NTHL1: variants seen among roughly 807,000 people sequenced by gnomAD.
NTHL1 encodes the protein nth like DNA glycosylase 1.
Under a neutral mutation model 32.3 loss-of-function variants are expected in NTHL1, and 32 were observed. The observed-to-expected ratio is 0.99, with a 90% CI of 0.75 to 1.33. The LOEUF (loss-of-function observed/expected upper bound fraction) is 1.33. Among genes scored for constraint, NTHL1 ranks in the 40% most tolerant of loss-of-function variants. NTHL1 has a pLI of 0.00. For missense variants in NTHL1, 501 were observed against 414.1 expected (o/e 1.21, Z -1.82); for synonymous variants, 188 against 176.9 (o/e 1.06, Z -0.50).
At position 2,046,099 on chromosome 16, in the gene NTHL1, T is replaced by A. The variant is rs940048604; in HGVS notation, c.354+29A>T. On this transcript the variant is annotated intron_variant, in intron 2 of 5. Coordinates refer to ENST00000651570, the MANE Select transcript of NTHL1 (RefSeq NM_002528.7). ...ACAAGGACCTTGCTAAGATGGGGGGTCATCTGGGCAGATGGGGCCCCTGCC... is the reference window on the plus strand; with the variant it reads ...ACAAGGACCTTGCTAAGATGGGGGGACATCTGGGCAGATGGGGCCCCTGCC... 3.8e-6 allele frequency: 6 copies of A among 1,561,392 alleles called. No individual in the cohort carries two copies. The Admixed American group carries it at 8.4e-5, about 22-fold the overall frequency.
chr16:2,046,596 C>A (rs1169940585), intron 1 of NTHL1, among the ~76,000 whole-genome samples: 3 of 152,170 alleles, frequency 2.0e-5, no homozygotes, highest in African/African-American at 7.2e-5. Context: ...CAGCCTGTAC[C>A]AAGGTGCCCC....
chr16:2,046,585 A>G lies in NTHL1; in HGVS notation c.116-219T>C, dbSNP rs556586557. On this transcript the variant is annotated intron_variant, in intron 1 of 5. Coordinates refer to ENST00000651570, the MANE Select transcript of NTHL1 (RefSeq NM_002528.7). Reference sequence around the variant, plus strand: ...ATGTTAGCTCATGAGGACTCTAGCAACAGCCTGTACCAAGGTGCCCCCAAT... The same window carrying G: ...ATGTTAGCTCATGAGGACTCTAGCAGCAGCCTGTACCAAGGTGCCCCCAAT... 8.5e-5 allele frequency among the ~76,000 whole-genome samples: 13 copies of G among 152,278 alleles called. No homozygotes were observed. The East Asian group carries it at 2.5e-3, about 29-fold the overall frequency.
intron 1 of NTHL1, among the ~76,000 whole-genome samples, chr16:2,046,575 G>A (rs1596224219): frequency 6.6e-6 from 1 of 152,154 alleles, no homozygotes. Context: ...AGCTCATGAG[G>A]ACTCTAGCAA....
rs370814682 is a variant in NTHL1 at position 2,047,773 on chromosome 16, G to T, written c.51C>A (p.Pro17=). Residue 17 remains proline (P), a synonymous_variant, in exon 1 of 6, where the codon CCC becomes CCA. Transcript: ENST00000651570. ...RMLTRSRSLG[P]GAGPRGCREE... is the part of the protein sequence containing the mutation. ...CCCTACACCCCCGCGGCCCAGCCCCGGGTCCCAGGCTCCGGCTCCGGGTCA... is the reference window on the plus strand; with the variant it reads ...CCCTACACCCCCGCGGCCCAGCCCCTGGTCCCAGGCTCCGGCTCCGGGTCA... The T allele has an allele frequency of 1.9e-6, 3 of 1,587,856 alleles. No individual in the cohort carries two copies. The highest frequency in any genetic ancestry group is 2.3e-5 in the East Asian group (1 of 43,764).
chr16:2,044,310 G>T lies in NTHL1; in HGVS notation c.525+320C>A, dbSNP rs539411736. Among the ~76,000 whole-genome samples, 1 of 152,224 alleles carries T rather than the reference G, an allele frequency of 6.6e-6. No homozygotes were observed. On this transcript the variant is annotated intron_variant, in intron 3 of 5. Coordinates refer to ENST00000651570, the MANE Select transcript of NTHL1 (RefSeq NM_002528.7). This position sits in a 1 kb window ranked among gnomAD's most constrained non-coding sequence, Gnocchi z 5.0. Reference sequence around the variant, plus strand: ...GAGGGTGAGGGGCTCTGGACAGGAGGGGGTGACACACCGGGAGAGGCTAGC... The same window carrying T: ...GAGGGTGAGGGGCTCTGGACAGGAGTGGGTGACACACCGGGAGAGGCTAGC...
Position 2,043,440 on chromosome 16 carries a change from C to T in NTHL1, c.685+127G>A, listed in dbSNP as rs1316758132. On this transcript the variant is annotated intron_variant, in intron 4 of 5. Coordinates refer to ENST00000651570, the MANE Select transcript of NTHL1 (RefSeq NM_002528.7). The surrounding 1 kb of genome is among the most constrained non-coding windows in gnomAD (Gnocchi z 4.4). ...GGCTGGCCTGGCTCCACCCTGGGAG[C>T]ACCTTTCTGACTCTATGGGCTGGGT... 3 of 1,354,696 alleles carry T rather than the reference C, an allele frequency of 2.2e-6. No homozygotes were observed. Among genetic ancestry groups the T allele is most frequent in the Admixed American group, 3.9e-5 (2 of 50,856 alleles). 83.9% of individuals were successfully genotyped at this position (1,354,696 alleles called of 1,614,324 possible).
rs778235635 is a variant in NTHL1 at position 2,041,443 on chromosome 16, A to AT, written c.686-1206dup. On this transcript the variant is annotated intron_variant, in intron 4 of 5. Coordinates refer to ENST00000651570, the MANE Select transcript of NTHL1 (RefSeq NM_002528.7). Reference sequence around the variant, plus strand: ...GGAGCCAGCAATCTATGGCTGTGGCATTTTTTTTTTTTTTTAAACGGAGTC... The same window carrying AT: ...GGAGCCAGCAATCTATGGCTGTGGCATTTTTTTTTTTTTTTTAAACGGAGTC... 4.3e-3 allele frequency among the ~76,000 whole-genome samples: 613 copies of AT among 143,900 alleles called. 4 individuals carry two copies. Among genetic ancestry groups the AT allele is most frequent in the East Asian group, 0.02 (97 of 4,966 alleles). The allele number at this position is 143,900 out of a possible 152,430, so 94.4% of individuals were successfully genotyped here.
rs1194103950 is a variant in NTHL1, at chr16:2,043,964, T to C, written c.526-238A>G. ...CAATGATGCACGTGTAGGCTCTGGCTGGGGTTCCCCTGCCCGTCATTCCCT... is the reference window on the plus strand; with the variant it reads ...CAATGATGCACGTGTAGGCTCTGGCCGGGGTTCCCCTGCCCGTCATTCCCT... On this transcript the variant is annotated intron_variant, in intron 3 of 5. Transcript: ENST00000651570. This position sits in a 1 kb window ranked among gnomAD's most constrained non-coding sequence, Gnocchi z 4.4. The C allele has an allele frequency of 1.3e-5, 7 of 559,422 alleles. No homozygotes were observed. The highest frequency in any genetic ancestry group is 2.3e-5 in the Non-Finnish European group (7 of 310,654). 34.7% of individuals were successfully genotyped at this position (559,422 alleles called of 1,614,324 possible).
chr16:2,045,323 G>C (rs1407853579), intron 2 of NTHL1, among the ~76,000 whole-genome samples: 1 of 152,000 alleles, frequency 6.6e-6, no homozygotes, highest in Non-Finnish European at 1.5e-5. Flanking sequence ...GGCAACAAGA[G>C]CAAGACTTGG....
rs1285624591 is a variant in NTHL1, at chr16:2,047,730, G to A, written c.94C>T (p.Arg32Trp). The A allele has an allele frequency of 5.1e-6, 8 of 1,583,756 alleles. No homozygotes were observed. The highest frequency in any genetic ancestry group is 1.3e-5 in the African/African-American group (1 of 74,274). The change falls in exon 1 of 6, where the codon CGG (arginine) becomes TGG (tryptophan). Residue 32 changes from arginine to tryptophan, a missense_variant. Arg to Trp is a moderately radical substitution (Grantham distance 101). Coordinates refer to ENST00000651570, the MANE Select transcript of NTHL1 (RefSeq NM_002528.7). ...CTACCTGCTGCAGCCTCTCTTCTCC[G>A]GAGAGGCCCGGGCTCCTCCCTACAC... ...RGCREEPGPL[R>W]RREAAAEARK...
Position 2,047,797 on chromosome 16 carries a change from C to T in NTHL1, c.27G>A (p.Leu9=), listed in dbSNP as rs2150958575. The part of the protein sequence containing the change: MTALSARM[L]TRSRSLGPGA... ...CGGGTCCCAGGCTCCGGCTCCGGGTCAGCATCCTCGCGCTCAAGGCGGTCA... is the reference window on the plus strand; with the variant it reads ...CGGGTCCCAGGCTCCGGCTCCGGGTTAGCATCCTCGCGCTCAAGGCGGTCA... Residue 9 remains leucine, a synonymous_variant, in exon 1 of 6, where the codon CTG becomes CTA. Transcript: ENST00000651570. 1 of 1,592,050 alleles carries T rather than the reference C, an allele frequency of 6.3e-7. No individual in the cohort carries two copies. Among genetic ancestry groups the T allele is most frequent in the East Asian group, 2.3e-5 (1 of 44,138 alleles).
chr16:2,044,664 A>G lies in NTHL1; in HGVS notation c.491T>C (p.Leu164Pro), dbSNP rs1162857718. Residue 164 changes from leucine (L) to proline (P), a missense_variant, in exon 3 of 6, where the codon CTG becomes CCG. Transcript: ENST00000651570. This position sits in a 1 kb window ranked among gnomAD's most constrained non-coding sequence, Gnocchi z 5.0. Reference sequence around the variant, plus strand: ...ACCGACGGGGTAGATGAGCTTGCCCAGCGTGGCATCATCTGTCTGCAGGAT... The same window carrying G: ...ACCGACGGGGTAGATGAGCTTGCCCGGCGTGGCATCATCTGTCTGCAGGAT... ...DSILQTDDAT[L>P]GKLIYPVGFW... 3.1e-6 allele frequency: 5 copies of G among 1,609,688 alleles called. No homozygotes were observed. Among genetic ancestry groups the G allele is most frequent in the East Asian group, 4.5e-5 (2 of 44,890 alleles).
rs370228590 is a variant in NTHL1 at position 2,044,797 on chromosome 16, G to C, written c.358C>G (p.Arg120Gly). Residue 120 changes from arginine to glycine, a missense_variant, in exon 3 of 6, where the codon CGC becomes GGC. By Grantham distance (125) the Arg-to-Gly change is moderately radical. Coordinates refer to ENST00000651570, the MANE Select transcript of NTHL1 (RefSeq NM_002528.7). This position sits in a 1 kb window ranked among gnomAD's most constrained non-coding sequence, Gnocchi z 5.0. ...AGTGACAGCAGCACCTGGTACCTGC[G>C]TACCTGCTTGTGCAGTGACAGGGAC... Reference protein sequence around the residue: ...CYDSSAPPKVRRYQVLLSLML... With the variant: ...CYDSSAPPKVGRYQVLLSLML... The C allele has an allele frequency of 1.2e-5, 19 of 1,602,444 alleles. No individual in the cohort carries two copies. The African/African-American group carries it at 2.5e-4, about 21-fold the overall frequency.
intron 4 of NTHL1, chr16:2,042,113 G>T (rs1033226865): frequency 2.2e-6 from 1 of 455,598 alleles, no homozygotes; most frequent in African/African-American, 2.0e-5. Flanking sequence ...GGCAGCCCTG[G>T]GGTCTCCTTG....
At chr16:2,042,279 G>A in intron 4 of NTHL1, 3 of 356,722 alleles carry the variant, frequency 8.4e-6, no homozygotes, top group South Asian at 6.2e-5. Flanking sequence ...CAGGGACACG[G>A]GCAGCTGAGG....
In NTHL1 at chr16:2,043,662, G is replaced by A. The variant is rs2084299761; in HGVS notation, c.590C>T (p.Pro197Leu). Residue 197 changes from proline (P) to leucine (L), a missense_variant, in exon 4 of 6, where the codon CCA becomes CTA. By Grantham distance (98) the Pro-to-Leu change is moderately conservative (BLOSUM62 -3). Transcript: ENST00000651570. The surrounding 1 kb of genome is among the most constrained non-coding windows in gnomAD (Gnocchi z 4.4). ...ILQQHYGGDIPASVAELVALP... is the reference protein window; with the variant it reads ...ILQQHYGGDILASVAELVALP... ...CGCCACCAGCTCGGCCACAGAGGCT[G>A]GGATGTCCCCACCGTAGTGCTGCTG... 2 of 1,611,912 alleles carry A rather than the reference G, an allele frequency of 1.2e-6. No homozygotes were observed. The highest frequency in any genetic ancestry group is 3.3e-5 in the Admixed American group (2 of 59,996).
In NTHL1 at chr16:2,047,717, G is replaced by T. The variant is rs772384035; in HGVS notation, c.107C>A (p.Ala36Asp). 6.3e-7 allele frequency: 1 copy of T among 1,581,858 alleles called. No homozygotes were observed. The highest frequency in any genetic ancestry group is 8.5e-7 in the Non-Finnish European group (1 of 1,170,950). Reference sequence around the variant, plus strand: ...CCACGGCGCGGCGCTACCTGCTGCAGCCTCTCTTCTCCGGAGAGGCCCGGG... The same window carrying T: ...CCACGGCGCGGCGCTACCTGCTGCATCCTCTCTTCTCCGGAGAGGCCCGGG... Reference protein sequence around the residue: ...EEPGPLRRREAAAEARKSHSP... With the variant: ...EEPGPLRRREDAAEARKSHSP... The change falls in exon 1 of 6, where the codon GCT becomes GAT. Residue 36 changes from alanine to aspartate, a missense_variant. Physicochemically the swap from Ala to Asp is moderately radical, Grantham distance 126. Transcript: ENST00000651570.
intron 4 of NTHL1, chr16:2,042,202 C>T: frequency 1.2e-5 from 5 of 420,328 alleles, no homozygotes; most frequent in Non-Finnish European, 1.9e-5. Flanking sequence ...CTCCCAAAGC[C>T]CGTTCCCTGC....
At chr16:2,040,312 C>T (rs1205794319) in intron 4 of NTHL1, 74 bp from the exon 5 acceptor site, 48 of 1,383,918 alleles carry the variant, frequency 3.5e-5, no homozygotes, top group Non-Finnish European at 4.1e-5. Context: ...CGCCCAGAGG[C>T]GAGTCTGCCA....
Sources: gnomAD v4.1 joint callset for allele counts (sites outside exome capture counted in the v4.1 genomes callset) on GRCh38, gnomAD v4.1.1 for gene constraint, Gnocchi (gnomAD v3.1) non-coding constraint, MANE v1.5 for transcripts, NCBI Gene and HGNC (gene_info 2026-07-23, HGNC 2026-07-21) for gene names.